GAS7: variants seen among roughly 807,000 people sequenced by gnomAD.
GAS7 encodes the protein growth arrest-specific protein 7.
Under a neutral mutation model 71.1 loss-of-function variants are expected in GAS7, and 28 were observed. The ratio of observed to expected loss-of-function variants is 0.39; its 90% CI spans 0.29 to 0.54. The LOEUF (loss-of-function observed/expected upper bound fraction) is 0.54, where lower values mean the gene tolerates loss of function less well. GAS7 is among the 20% of genes least tolerant of loss of function. The pLI is 0.62. For synonymous variants in GAS7, 258 were observed against 245.8 expected (o/e 1.05, Z -0.46); for missense variants, 436 against 627.8 (o/e 0.69, Z 3.27).
chr17:10,104,209 T>A (rs1185835617), intron 1 of GAS7, among the ~76,000 whole-genome samples: 1 of 152,142 alleles, frequency 6.6e-6, no homozygotes, highest in Non-Finnish European at 1.5e-5. Context: ...ACCAGTGACC[T>A]CCATGTTGTC....
chr17:10,022,015 T>C (rs753133572), intron 1 of GAS7, among the ~76,000 whole-genome samples: 2 of 152,128 alleles, frequency 1.3e-5, no homozygotes, highest in Non-Finnish European at 2.9e-5. Context: ...CCTAGCACTT[T>C]GGGAGGCCGA....
At chr17:9,938,021 A>G (rs567966019) in intron 8 of GAS7, among the ~76,000 whole-genome samples, 1 of 152,252 alleles carries the variant, frequency 6.6e-6, no homozygotes, top group South Asian at 2.1e-4. Flanking sequence ...TGCAACTACC[A>G]CCTCTATCTA....
At chr17:9,942,240 C>T (rs913801505) in intron 7 of GAS7, among the ~76,000 whole-genome samples, 7 of 150,388 alleles carry the variant, frequency 4.7e-5, no homozygotes, top group South Asian at 2.1e-4. Context: ...GATGACAGAG[C>T]GAGACTCTGT....
chr17:9,938,229 A>G (rs912965984), intron 8 of GAS7, among the ~76,000 whole-genome samples: 1 of 152,102 alleles, frequency 6.6e-6, no homozygotes. Flanking sequence ...GACATTGGCC[A>G]GGCGCGATGG....
At chr17:10,029,363 C>T (rs62065816) in intron 1 of GAS7, among the ~76,000 whole-genome samples, 7,810 of 152,218 alleles carry the variant, frequency 0.051, 285 homozygotes, top group Non-Finnish European at 0.081. Flanking sequence ...ACTTCAACTG[C>T]CTGAAAGAGC....
At chr17:10,141,915 G>A (rs1320947378) in intron 1 of GAS7, among the ~76,000 whole-genome samples, 1 of 152,130 alleles carries the variant, frequency 6.6e-6, no homozygotes, top group African/African-American at 2.4e-5. Context: ...CTAAAAAGTT[G>A]AGGATGGCAT....
intron 1 of GAS7, among the ~76,000 whole-genome samples, chr17:10,068,820 G>A (rs2073310075): frequency 1.3e-5 from 2 of 151,918 alleles, no homozygotes; most frequent in South Asian, 4.2e-4. Flanking sequence ...AATCAGTGAA[G>A]GGACACAGAA....
intron 5 of GAS7, among the ~76,000 whole-genome samples, chr17:9,954,212 G>A (rs982602705): frequency 3.9e-5 from 6 of 152,182 alleles, no homozygotes; most frequent in African/African-American, 1.4e-4. Context: ...ACCCCTCAGA[G>A]AGCTTCTGGG....
intron 1 of GAS7, among the ~76,000 whole-genome samples, chr17:10,159,911 G>C (rs535306614): frequency 9.4e-4 from 142 of 151,308 alleles, no homozygotes; most frequent in Middle Eastern, 3.4e-3. Context: ...TCAGTCTCCT[G>C]AGTAGCTGGG....
In GAS7 at chr17:10,115,723, A is replaced by G. The variant is rs184520090; in HGVS notation, c.183+82485T>C. Reference sequence around the variant, plus strand: ...CCTCCATACTACTGTTGTTAACAACAAGACAAATCCTTTGGTCTCCCCCGC... The same window carrying G: ...CCTCCATACTACTGTTGTTAACAACGAGACAAATCCTTTGGTCTCCCCCGC... On this transcript the variant is annotated intron_variant, in intron 1 of 13. Transcript: ENST00000432992. Among the ~76,000 whole-genome samples the G allele has an allele frequency of 1.3e-3, 200 of 152,338 alleles. 8 individuals are homozygous for G. In the South Asian group the frequency reaches 0.024, roughly 18 times the overall value.
chr17:10,022,748 G>A (rs372714843), intron 1 of GAS7, among the ~76,000 whole-genome samples: 1 of 152,192 alleles, frequency 6.6e-6, no homozygotes, highest in Admixed American at 6.5e-5. Context: ...TCCGTCTACG[G>A]CGATACGGAC....
chr17:9,972,544 A>G (rs2070012509), intron 3 of GAS7, among the ~76,000 whole-genome samples: 1 of 152,232 alleles, frequency 6.6e-6, no homozygotes, highest in Non-Finnish European at 1.5e-5. Context: ...GAATAATTTA[A>G]TTTAAAAGGC....
intron 2 of GAS7, among the ~76,000 whole-genome samples, chr17:10,019,085 C>T (rs1359340333): frequency 1.3e-5 from 2 of 152,138 alleles, no homozygotes; most frequent in African/African-American, 4.8e-5. Context: ...TGGTGCATCC[C>T]CTTTTATAAA....
intron 7 of GAS7, 36 bp from the exon 8 acceptor site, chr17:9,940,236 C>A (rs756384147): frequency 1.6e-5 from 25 of 1,546,424 alleles, no homozygotes; most frequent in Non-Finnish European, 2.1e-5. Flanking sequence ...CATCAGCTCT[C>A]CAGTGCCAGA....
At chr17:10,156,223 T>A (rs947581376) in intron 1 of GAS7, among the ~76,000 whole-genome samples, 1 of 152,194 alleles carries the variant, frequency 6.6e-6, no homozygotes, top group Non-Finnish European at 1.5e-5. Context: ...GGGGAGCCCA[T>A]TCTGGCATTC....
At chr17:9,929,151 C>T (rs935225215) in intron 9 of GAS7, among the ~76,000 whole-genome samples, 3 of 152,158 alleles carry the variant, frequency 2.0e-5, no homozygotes, top group Non-Finnish European at 2.9e-5. Flanking sequence ...AGCAGCTGTA[C>T]GACTCCGGGA....
intron 1 of GAS7, among the ~76,000 whole-genome samples, chr17:10,163,499 T>C (rs12941840): frequency 0.27 from 40,140 of 151,132 alleles, 5,433 homozygotes; most frequent in Middle Eastern, 0.29. Flanking sequence ...GAAATCAAAA[T>C]ATCTGGCTAC....
At chr17:10,071,111 C>A (rs2073335859) in intron 1 of GAS7, among the ~76,000 whole-genome samples, 1 of 151,672 alleles carries the variant, frequency 6.6e-6, no homozygotes. Flanking sequence ...GAGGGTCCCA[C>A]ACAGAAGCCA....
chr17:9,975,531 A>AC (rs5819256), intron 3 of GAS7, among the ~76,000 whole-genome samples: 9,308 of 90,570 alleles, frequency 0.1, 303 homozygotes, highest in African/African-American at 0.16. Context: ...CTTCTTTCTC[A>AC]CCCCCCCCTT....
Sources: allele counts gnomAD v4.1 joint callset (sites outside exome capture counted in the v4.1 genomes callset), GRCh38; gene constraint gnomAD v4.1.1; transcripts MANE v1.5; gene names NCBI Gene and HGNC (gene_info 2026-07-23, HGNC 2026-07-21).